ADGRL2: variants seen among roughly 807,000 people sequenced by gnomAD.
The protein encoded by ADGRL2 is adhesion G protein-coupled receptor L2.
In ADGRL2, 44 loss-of-function variants were observed where a neutral mutation model predicts 157.4. The ratio of observed to expected loss-of-function variants is 0.28; its 90% CI spans 0.22 to 0.36. The LOEUF is 0.36. Ranked by LOEUF, ADGRL2 falls within the 10% of genes least tolerant of loss-of-function variation. The pLI, the probability that ADGRL2 is intolerant of heterozygous loss-of-function variation, is 1.00. For missense variants in ADGRL2, 1,510 were observed against 1,768.9 expected, an observed-to-expected ratio of 0.85 and a Z score of 2.63; for synonymous variants, 585 against 624.7, an observed-to-expected ratio of 0.94 and a Z score of 0.95.
Position 81,677,994 on chromosome 1 carries a change from C to T in ADGRL2, c.-142-83817C>T, listed in dbSNP as rs759832034. 2.5e-4 allele frequency among the ~76,000 whole-genome samples: 38 copies of T among 152,232 alleles called. 1 individual carries two copies. The highest frequency in any genetic ancestry group is 8.4e-4 in the African/African-American group (35 of 41,536). On this transcript the variant is annotated intron_variant, in intron 3 of 24. Coordinates refer to the ADGRL2 transcript ENST00000370721. ...AACTTCTATCTTTGCACTTGCTGTT[C>T]CCTTTTCCTTTGATGTATTTCCCAC...
chr1:81,364,753 G>T (rs1485190637), intron 1 of ADGRL2, among the ~76,000 whole-genome samples: 1 of 150,964 alleles, frequency 6.6e-6, no homozygotes, highest in Non-Finnish European at 1.5e-5. Flanking sequence ...AGGCTGGAGT[G>T]CAGTGGCACA....
chr1:81,625,077 C>CT (rs2081882747), intron 3 of ADGRL2, among the ~76,000 whole-genome samples: 1 of 152,186 alleles, frequency 6.6e-6, no homozygotes, highest in African/African-American at 2.4e-5. Context: ...AACACCTTCA[C>CT]TCTGAAACAG....
intron 1 of ADGRL2, among the ~76,000 whole-genome samples, chr1:81,365,602 A>ATC (rs1185778402): frequency 8.5e-5 from 13 of 152,338 alleles, no homozygotes; most frequent in Admixed American, 5.2e-4. Flanking sequence ...CATAAAGGGC[A>ATC]TCTCTTCACA....
chr1:81,820,803 A>T (rs928979591), intron 1 of ADGRL2, among the ~76,000 whole-genome samples: 1 of 152,056 alleles, frequency 6.6e-6, no homozygotes, highest in South Asian at 2.1e-4. Flanking sequence ...TGTAAAAAAG[A>T]TCAGTAGTTT....
At chr1:81,392,473 C>A (rs1299807420) in intron 1 of ADGRL2, among the ~76,000 whole-genome samples, 1 of 151,914 alleles carries the variant, frequency 6.6e-6, no homozygotes, top group Non-Finnish European at 1.5e-5. Flanking sequence ...AACAAAGGAG[C>A]CAGCTTGACA....
At chr1:81,689,933 T>C (rs72939294) in intron 3 of ADGRL2, among the ~76,000 whole-genome samples, 9 of 152,112 alleles carry the variant, frequency 5.9e-5, no homozygotes. Context: ...TTGGATGAGA[T>C]CTCTCTCTCC....
At chr1:81,445,370 A>G (rs2077580139) in intron 2 of ADGRL2, among the ~76,000 whole-genome samples, 1 of 152,184 alleles carries the variant, frequency 6.6e-6, no homozygotes. Context: ...TATGCTTGTG[A>G]TCTTAGGCAT....
intron 2 of ADGRL2, among the ~76,000 whole-genome samples, chr1:81,515,821 C>G (rs1310193111): frequency 6.6e-6 from 1 of 152,004 alleles, no homozygotes; most frequent in East Asian, 1.9e-4. Context: ...CTGTCAGTGG[C>G]AATATAGAGC....
At chr1:81,588,999 G>A (rs137943906) in intron 3 of ADGRL2, among the ~76,000 whole-genome samples, 83 of 152,308 alleles carry the variant, frequency 5.4e-4, no homozygotes, top group African/African-American at 1.9e-3. Flanking sequence ...GTCCCTGAGA[G>A]TGATGGTTGA....
intron 2 of ADGRL2, among the ~76,000 whole-genome samples, chr1:81,494,764 C>G (rs1203847930): frequency 6.6e-6 from 1 of 152,090 alleles, no homozygotes; most frequent in Non-Finnish European, 1.5e-5. Flanking sequence ...ATCTTGGAAT[C>G]TTTTGTTTTA....
chr1:81,739,904 G>T (rs765270047), intron 1 of ADGRL2, among the ~76,000 whole-genome samples: 35 of 152,184 alleles, frequency 2.3e-4, no homozygotes, highest in Non-Finnish European at 4.1e-4. Context: ...CCAGATGCCT[G>T]ACACAACACA....
At chr1:81,773,099 T>C (rs2086442485) in intron 2 of ADGRL2, among the ~76,000 whole-genome samples, 1 of 152,276 alleles carries the variant, frequency 6.6e-6, no homozygotes, top group South Asian at 2.1e-4. Flanking sequence ...TTGTAGTCTG[T>C]CCCTATAATT....
At chr1:81,374,691 C>G (rs1435044910) in intron 1 of ADGRL2, among the ~76,000 whole-genome samples, 3 of 152,160 alleles carry the variant, frequency 2.0e-5, no homozygotes, top group Admixed American at 1.3e-4. Context: ...GTGTGCACTT[C>G]CTGACTGTGG....
chr1:81,749,043 T>A (rs1042613882), intron 1 of ADGRL2, among the ~76,000 whole-genome samples: 11 of 152,282 alleles, frequency 7.2e-5, no homozygotes, highest in African/African-American at 2.6e-4. Flanking sequence ...AAATATTTTT[T>A]AAAATAAAAA....
At chr1:81,517,513 G>C (rs2079208507) in intron 2 of ADGRL2, among the ~76,000 whole-genome samples, 3 of 148,004 alleles carry the variant, frequency 2.0e-5, no homozygotes, top group Non-Finnish European at 3.0e-5. Context: ...ACGATCCTTC[G>C]GATTAATGTA....
At chr1:81,525,745 C>T (rs781089633) in intron 2 of ADGRL2, among the ~76,000 whole-genome samples, 1 of 152,196 alleles carries the variant, frequency 6.6e-6, no homozygotes, top group Non-Finnish European at 1.5e-5. Context: ...AAACGCTACA[C>T]ATCAGGGCTT....
intron 1 of ADGRL2, among the ~76,000 whole-genome samples, chr1:81,367,469 T>G (rs1300615086): frequency 5.3e-5 from 8 of 152,182 alleles, no homozygotes; most frequent in Non-Finnish European, 1.2e-4. Context: ...GAACATGTGG[T>G]GTTTGGTTTT....
intron 2 of ADGRL2, among the ~76,000 whole-genome samples, chr1:81,523,237 G>A (rs959458448): frequency 1.3e-5 from 2 of 151,904 alleles, no homozygotes; most frequent in Non-Finnish European, 2.9e-5. Flanking sequence ...AATATAAAAC[G>A]TTAATCAAAG....
chr1:81,366,922 A>G (rs1047544987), intron 1 of ADGRL2, among the ~76,000 whole-genome samples: 1 of 152,048 alleles, frequency 6.6e-6, no homozygotes, highest in African/African-American at 2.4e-5. Flanking sequence ...CATGAGTTCT[A>G]CATTCTCTTT....
Sources: gnomAD v4.1 joint callset for allele counts (sites outside exome capture counted in the v4.1 genomes callset) on GRCh38, gnomAD v4.1.1 for gene constraint, MANE v1.5 for transcripts, NCBI Gene and HGNC (gene_info 2026-07-23, HGNC 2026-07-21) for gene names.